ARFIP1: variants seen among roughly 807,000 people sequenced by gnomAD.
ARFIP1 encodes arfaptin-1.
Under a neutral mutation model 42.5 loss-of-function variants are expected in ARFIP1, and 24 were observed. The observed-to-expected ratio is 0.57, with a 90% confidence interval of 0.41 to 0.80. ARFIP1 has a LOEUF of 0.80. ARFIP1 is among the 30% of genes least tolerant of loss of function. The pLI, the probability that ARFIP1 is intolerant of heterozygous loss-of-function variation, is 0.00. For synonymous variants in ARFIP1, 141 were observed against 153.7 expected (o/e 0.92, Z 0.61); for missense variants, 354 against 434.0 (o/e 0.82, Z 1.64).
intron 1 of ARFIP1, among the ~76,000 whole-genome samples, chr4:152,804,509 A>AATATATATTATT (rs1234566659): frequency 7.7e-6 from 1 of 129,368 alleles, no homozygotes; most frequent in African/African-American, 2.9e-5. Flanking sequence ...TAATATATAT[A>AATATATATTATT]TATATATAGT....
intron 8 of ARFIP1, among the ~76,000 whole-genome samples, chr4:152,891,195 A>G (rs1736818448): frequency 6.6e-6 from 1 of 152,236 alleles, no homozygotes; most frequent in African/African-American, 2.4e-5. Flanking sequence ...TGAAGATTTC[A>G]GCATTTGAAT....
intron 8 of ARFIP1, among the ~76,000 whole-genome samples, chr4:152,902,199 C>T (rs1378726188): frequency 6.6e-6 from 1 of 152,176 alleles, no homozygotes; most frequent in South Asian, 2.1e-4. Context: ...TCAACTGTAT[C>T]ATGGACTTAA....
At chr4:152,854,838 G>A (rs1236966716) in intron 2 of ARFIP1, among the ~76,000 whole-genome samples, 2 of 152,234 alleles carry the variant, frequency 1.3e-5, no homozygotes, top group African/African-American at 4.8e-5. Context: ...GGCCCCAGTT[G>A]TAGCAGTGGT....
chr4:152,808,317 T>TTTTTTTTTTTTTTTTTTTTTTTTTTA (rs1729169869), intron 1 of ARFIP1, among the ~76,000 whole-genome samples: 1 of 130,062 alleles, frequency 7.7e-6, no homozygotes, highest in Non-Finnish European at 1.6e-5. Flanking sequence ...TTTTTTTTTT[T>TTTTTTTTTTTTTTTTTTTTTTTTTTA]GTAGCAGTAG....
intron 8 of ARFIP1, among the ~76,000 whole-genome samples, chr4:152,889,780 A>G (rs1736639224): frequency 4.5e-5 from 1 of 22,412 alleles, no homozygotes; most frequent in Non-Finnish European, 8.0e-5. Flanking sequence ...TATACTATAT[A>G]TACTATATAT....
rs142501451 is a variant in ARFIP1, at chr4:152,911,075, T to G, written c.*856T>G. The G allele has an allele frequency of 8.9e-4, 136 of 152,794 alleles. 1 individual carries two copies. Among genetic ancestry groups the G allele is most frequent in the African/African-American group, 3.1e-3 (128 of 41,596 alleles). The allele number at this position is 152,794 out of a possible 1,614,324, so 9.5% of individuals were successfully genotyped here. A position where few individuals can be genotyped will look rare whatever the true frequency, so the allele number is the denominator to read the frequency against. On this transcript the variant is annotated 3_prime_UTR_variant, in exon 9 of 9. Transcript: ENST00000353617. Reference sequence around the variant, plus strand: ...TGATAGAAGTGAATACATAGACAGCTTTTATTGACTTCCATATGTAACAAT... The same window carrying G: ...TGATAGAAGTGAATACATAGACAGCGTTTATTGACTTCCATATGTAACAAT...
intron 2 of ARFIP1, among the ~76,000 whole-genome samples, chr4:152,848,133 T>C (rs1175542626): frequency 6.6e-6 from 1 of 152,104 alleles, no homozygotes; most frequent in Non-Finnish European, 1.5e-5. Flanking sequence ...TATTTTATAG[T>C]GGAGAAAAAA....
intron 1 of ARFIP1, among the ~76,000 whole-genome samples, chr4:152,785,710 T>G (rs1457015184): frequency 6.6e-6 from 1 of 152,250 alleles, no homozygotes; most frequent in African/African-American, 2.4e-5. Context: ...CTCTCCCAGT[T>G]AATTTGAAAA....
rs183928930 is a variant in ARFIP1 at position 152,810,659 on chromosome 4, A to T, written c.-9-18966A>T. 2.0e-3 allele frequency among the ~76,000 whole-genome samples: 306 copies of T among 152,082 alleles called. 1 individual carries two copies. The highest frequency in any genetic ancestry group is 0.017 in the Middle Eastern group (5 of 294). ...CCATCTCTACTAAAAATACAAAAAAAAAAAATATTAGCTGGGCGTGGTGGC... is the reference window on the plus strand; with the variant it reads ...CCATCTCTACTAAAAATACAAAAAATAAAAATATTAGCTGGGCGTGGTGGC... On this transcript the variant is annotated intron_variant, in intron 1 of 8. Transcript: ENST00000353617.
intron 1 of ARFIP1, among the ~76,000 whole-genome samples, chr4:152,783,455 T>C (rs1390509585): frequency 1.3e-5 from 2 of 152,248 alleles, no homozygotes; most frequent in African/African-American, 4.8e-5. Context: ...CTTTACATTA[T>C]TATCTCAAAT....
rs558757106 is a variant in ARFIP1 at position 152,864,964 on chromosome 4, C to T, written c.202+1250C>T. On this transcript the variant is annotated intron_variant, in intron 3 of 8. Transcript: ENST00000353617. ...TCGAGTGAAAGTAAAGCCGTGTAAA[C>T]ATTTAGATGTGGGAAATAGATTTTC... Among the ~76,000 whole-genome samples, 8 of 123,120 alleles carry T rather than the reference C, an allele frequency of 6.5e-5. No homozygotes were observed. The South Asian group carries it at 2.2e-3, about 35-fold the overall frequency. The allele number at this position is 123,120 out of a possible 152,430, so 80.8% of individuals were successfully genotyped here.
intron 5 of ARFIP1, among the ~76,000 whole-genome samples, chr4:152,874,164 G>T (rs1373162722): frequency 6.6e-6 from 1 of 151,872 alleles, no homozygotes; most frequent in East Asian, 1.9e-4. Flanking sequence ...TGCTATTCTT[G>T]CATCTCTTAT....
At chr4:152,909,645 C>CTTGGCTTACATCAAGCT (rs1273671997) in intron 8 of ARFIP1, among the ~76,000 whole-genome samples, 1 of 152,186 alleles carries the variant, frequency 6.6e-6, no homozygotes, top group Non-Finnish European at 1.5e-5. Flanking sequence ...ATCCAGCCTA[C>CTTGGCTTACATCAAGCT]TTGGCTTACA....
chr4:152,834,469 C>A (rs1265640322), intron 2 of ARFIP1, among the ~76,000 whole-genome samples: 1 of 152,184 alleles, frequency 6.6e-6, no homozygotes, highest in Non-Finnish European at 1.5e-5. Flanking sequence ...ATGGTAGTAC[C>A]GGTATTAGGT....
intron 1 of ARFIP1, among the ~76,000 whole-genome samples, chr4:152,790,520 C>T (rs1731083855): frequency 6.6e-6 from 1 of 152,150 alleles, no homozygotes; most frequent in Non-Finnish European, 1.5e-5. Flanking sequence ...ATTGGTTTCT[C>T]TGTAACACAG....
At chr4:152,816,519 C>G (rs949390481) in intron 1 of ARFIP1, among the ~76,000 whole-genome samples, 4 of 152,176 alleles carry the variant, frequency 2.6e-5, no homozygotes, top group Non-Finnish European at 5.9e-5. Flanking sequence ...AAAAATATAC[C>G]TTTTCTGAGG....
At chr4:152,845,752 A>G (rs1158528861) in intron 2 of ARFIP1, among the ~76,000 whole-genome samples, 3 of 152,218 alleles carry the variant, frequency 2.0e-5, no homozygotes, top group African/African-American at 7.2e-5. Flanking sequence ...GTTGATGGGA[A>G]TGTAAATTAG....
In ARFIP1 at chr4:152,853,905, C is replaced by CTTTT. The variant is rs36055484; in HGVS notation, c.94-9681_94-9678dup. Among the ~76,000 whole-genome samples, 266 of 74,758 alleles carry CTTTT rather than the reference C, an allele frequency of 3.6e-3. 3 individuals are homozygous for CTTTT. Among genetic ancestry groups the CTTTT allele is most frequent in the African/African-American group, 5.9e-3 (107 of 18,240 alleles). The allele number at this position is 74,758 out of a possible 152,430, so 49.0% of individuals were successfully genotyped here. On this transcript the variant is annotated intron_variant, in intron 2 of 8. Transcript: ENST00000353617. ...AGACCTGTCTTCAAGTTCTGAGATT[C>CTTTT]TTTTTTTTTTTTTTTTTTTTTTTGA...
At chr4:152,805,329 A>G (rs577533592) in intron 1 of ARFIP1, among the ~76,000 whole-genome samples, 3 of 152,356 alleles carry the variant, frequency 2.0e-5, no homozygotes, top group Non-Finnish European at 2.9e-5. Flanking sequence ...GCTATGAGGT[A>G]GTGTATAGAA....
Sources: gnomAD v4.1 joint callset for allele counts (sites outside exome capture counted in the v4.1 genomes callset) on GRCh38, gnomAD v4.1.1 for gene constraint, MANE v1.5 for transcripts, NCBI Gene and HGNC (gene_info 2026-07-23, HGNC 2026-07-21) for gene names.